Variants in FBXO25 observed in about 807,000 individuals in gnomAD.
FBXO25 encodes F-box only protein 25.
FBXO25 carries 45 observed loss-of-function variants against 51.9 expected under a neutral mutation model. That is an observed-to-expected ratio of 0.87 (90% confidence interval 0.68 to 1.11). The LOEUF (loss-of-function observed/expected upper bound fraction) is 1.11. FBXO25 is among the 50% of genes most tolerant of loss of function. The probability of loss-of-function intolerance (pLI) is 0.00; values close to 1 mark genes in which losing one functional copy is unlikely to be tolerated. For missense variants in FBXO25, 507 were observed against 428.5 expected (o/e 1.18, Z -1.62); for synonymous variants, 199 against 151.0 (o/e 1.32, Z -2.33).
In FBXO25 at chr8:474,490, T is replaced by C. The variant is rs571108465; in HGVS notation, c.*5686T>C. Reference sequence around the variant, plus strand: ...GCACTGCCATAAGTGTTTTACACGGTGGCTGCACCATTTTACATTCCCACT... The same window carrying C: ...GCACTGCCATAAGTGTTTTACACGGCGGCTGCACCATTTTACATTCCCACT... On this transcript the variant is annotated 3_prime_UTR_variant, in exon 10 of 10. Transcript: ENST00000350302. 3.0e-6 allele frequency: 1 copy of C among 334,328 alleles called. No homozygotes were observed. The highest frequency in any genetic ancestry group is 8.4e-5 in the East Asian group (1 of 11,836). The allele number at this position is 334,328 out of a possible 1,614,324, so 20.7% of individuals were successfully genotyped here.
chr8:469,457 G>C lies in FBXO25; in HGVS notation c.*653G>C, dbSNP rs1368388859. ...TGGCAGGGCACCCCTGCTGGGGTTG[G>C]GGGCTGGTCTGTGCATAATCCTGGA... On this transcript the variant is annotated 3_prime_UTR_variant, in exon 10 of 10. Coordinates refer to ENST00000350302, the MANE Select transcript of FBXO25 (RefSeq NM_183420.2). The C allele has an allele frequency of 1.3e-5, 2 of 152,452 alleles. No homozygotes were observed. The highest frequency in any genetic ancestry group is 2.1e-4 in the South Asian group (1 of 4,836). 9.4% of individuals were successfully genotyped at this position (152,452 alleles called of 1,614,324 possible).
intron 2 of FBXO25, among the ~76,000 whole-genome samples, chr8:426,790 CCA>C (rs1178569797): frequency 7.4e-6 from 1 of 134,566 alleles, no homozygotes; most frequent in African/African-American, 2.6e-5. Flanking sequence ...TGAGATGGGC[CCA>C]CATTGGCTGT....
chr8:416,310 A>T (rs767857866), intron 2 of FBXO25, among the ~76,000 whole-genome samples: 36 of 152,072 alleles, frequency 2.4e-4, no homozygotes, highest in Non-Finnish European at 1.9e-4. Context: ...TTTCAAAACA[A>T]CCGGATCTCT....
chr8:432,990 G>C, intron 4 of FBXO25, 55 bp downstream of exon 4: 1 of 1,482,606 alleles, frequency 6.7e-7, no homozygotes, highest in African/African-American at 1.5e-5. Context: ...GTTGAATATG[G>C]AGTCACATTA....
chr8:429,271 T>C (rs1341366854), intron 2 of FBXO25, among the ~76,000 whole-genome samples: 1 of 152,198 alleles, frequency 6.6e-6, no homozygotes, highest in Non-Finnish European at 1.5e-5. Context: ...CATCGTAGTG[T>C]TAATTTGCAT....
At chr8:460,006 T>C (rs912811867) in intron 8 of FBXO25, among the ~76,000 whole-genome samples, 60 of 152,106 alleles carry the variant, frequency 3.9e-4, no homozygotes, top group Middle Eastern at 3.2e-3. Context: ...GAACAGTAGA[T>C]TGAATTTTAA....
chr8:453,224 G>C (rs1799202854), intron 7 of FBXO25, among the ~76,000 whole-genome samples: 2 of 152,202 alleles, frequency 1.3e-5, no homozygotes, highest in South Asian at 2.1e-4. Flanking sequence ...ATAACACAAA[G>C]GTGCCAGTTT....
intron 8 of FBXO25, among the ~76,000 whole-genome samples, chr8:460,752 A>C (rs1449971546): frequency 6.6e-6 from 1 of 152,236 alleles, no homozygotes; most frequent in Non-Finnish European, 1.5e-5. Context: ...AGTCTCTAGG[A>C]ACTATTGTTT....
chr8:411,829 A>G (rs529030565), intron 1 of FBXO25, among the ~76,000 whole-genome samples: 28 of 152,174 alleles, frequency 1.8e-4, no homozygotes, highest in Non-Finnish European at 2.9e-4. Context: ...TTGAATCAGC[A>G]GTGTGAGCAT....
intron 7 of FBXO25, among the ~76,000 whole-genome samples, chr8:455,718 G>A (rs1174785664): frequency 6.6e-6 from 1 of 152,246 alleles, no homozygotes; most frequent in African/African-American, 2.4e-5. Context: ...CAGCAGCATC[G>A]TTTCTTCCTT....
Position 473,384 on chromosome 8 carries a change from C to G in FBXO25, c.*4580C>G, listed in dbSNP as rs920195192. The G allele has an allele frequency of 9.2e-5, 14 of 152,350 alleles. No individual in the cohort carries two copies. The highest frequency in any genetic ancestry group is 3.1e-4 in the African/African-American group (13 of 41,462). 9.4% of individuals were successfully genotyped at this position (152,350 alleles called of 1,614,324 possible). A position where few individuals can be genotyped will look rare whatever the true frequency, so the allele number is the denominator to read the frequency against. On this transcript the variant is annotated 3_prime_UTR_variant, in exon 10 of 10. Coordinates refer to ENST00000350302, the MANE Select transcript of FBXO25 (RefSeq NM_183420.2). ...GCACATGCACCCCCAGCAGTCCTCT[C>G]TAAACTCAGGCAGTGTATGGCTGCT...
intron 9 of FBXO25, among the ~76,000 whole-genome samples, chr8:464,784 C>G (rs897704955): frequency 6.6e-6 from 1 of 152,106 alleles, no homozygotes; most frequent in Non-Finnish European, 1.5e-5. Context: ...CAAAGGTAAA[C>G]AGCATCATAC....
chr8:414,381 G>T (rs1454167526), intron 2 of FBXO25, among the ~76,000 whole-genome samples: 1 of 152,032 alleles, frequency 6.6e-6, no homozygotes, highest in African/African-American at 2.4e-5. Flanking sequence ...ACTATATCTA[G>T]AAATGTCAGG....
Position 464,920 on chromosome 8 carries a change from A to G in FBXO25, c.987+1770A>G, listed in dbSNP as rs571540847. 5.2e-4 allele frequency among the ~76,000 whole-genome samples: 79 copies of G among 152,336 alleles called. 2 individuals carry two copies. The highest frequency in any genetic ancestry group is 2.2e-3 in the Admixed American group (33 of 15,298). ...CAGTAGTACAACTGTCTTGTAGACT[A>G]TTATCCCTCAAGAGCAGGGAACATC... On this transcript the variant is annotated intron_variant, in intron 9 of 9. Coordinates refer to ENST00000350302, the MANE Select transcript of FBXO25 (RefSeq NM_183420.2).
intron 5 of FBXO25, among the ~76,000 whole-genome samples, chr8:441,737 T>A (rs1165988964): frequency 1.3e-5 from 2 of 152,160 alleles, no homozygotes; most frequent in Non-Finnish European, 2.9e-5. Flanking sequence ...ACAAGAAATT[T>A]ATGCAGCCAA....
Position 477,570 on chromosome 8 carries a change from A to G in FBXO25, c.*8766A>G, listed in dbSNP as rs1431606524. ...TGGGAGTAACTATAAATGAAACAAG[A>G]TTGGCCGGGAATTTGAGGCTGCAAG... On this transcript the variant is annotated 3_prime_UTR_variant, in exon 10 of 10. Transcript: ENST00000350302. The G allele has an allele frequency of 6.6e-6, 1 of 152,230 alleles. No homozygotes were observed. Among genetic ancestry groups the G allele is most frequent in the East Asian group, 1.9e-4 (1 of 5,202 alleles). The allele number at this position is 152,230 out of a possible 1,614,324, so 9.4% of individuals were successfully genotyped here. A position where few individuals can be genotyped will look rare whatever the true frequency, so the allele number is the denominator to read the frequency against.
rs772604210 is a variant in FBXO25 at position 419,274 on chromosome 8, C to T, written c.134+6061C>T. On this transcript the variant is annotated intron_variant, in intron 2 of 9. Transcript: ENST00000350302. Reference sequence around the variant, plus strand: ...ATCCCAGCTACTCAGGAAGCTGAGTCATGAGAATCACTTGAACCTGGGAGG... The same window carrying T: ...ATCCCAGCTACTCAGGAAGCTGAGTTATGAGAATCACTTGAACCTGGGAGG... 3.2e-4 allele frequency among the ~76,000 whole-genome samples: 49 copies of T among 151,890 alleles called. 1 individual carries two copies. The highest frequency in any genetic ancestry group is 6.3e-4 in the Non-Finnish European group (43 of 67,998).
At chr8:444,233 CT>C (rs1397362946) in intron 5 of FBXO25, among the ~76,000 whole-genome samples, 4 of 152,176 alleles carry the variant, frequency 2.6e-5, no homozygotes, top group Non-Finnish European at 5.9e-5. Context: ...GTGAAGAATA[CT>C]TTCTGTATTT....
rs1489492881 is a variant in FBXO25 at position 476,227 on chromosome 8, G to T, written c.*7423G>T. 1 of 152,134 alleles carries T rather than the reference G, an allele frequency of 6.6e-6. No individual in the cohort carries two copies. The highest frequency in any genetic ancestry group is 1.5e-5 in the Non-Finnish European group (1 of 68,016). 9.4% of individuals were successfully genotyped at this position (152,134 alleles called of 1,614,324 possible). A position where few individuals can be genotyped will look rare whatever the true frequency, so the allele number is the denominator to read the frequency against. The stretch of plus-strand genomic sequence containing the variant: ...CCAGCTGTAAATCTTACTTGGCCAT[G>T]ATGTGTAATCCTTTCAATGTCCCAC... On this transcript the variant is annotated 3_prime_UTR_variant, in exon 10 of 10. Transcript: ENST00000350302.
Sources: gnomAD v4.1 joint callset for allele counts (sites outside exome capture counted in the v4.1 genomes callset) on GRCh38, gnomAD v4.1.1 for gene constraint, MANE v1.5 for transcripts, NCBI Gene and HGNC (gene_info 2026-07-23, HGNC 2026-07-21) for gene names.